FUS: variants seen among roughly 807,000 people sequenced by gnomAD.
FUS encodes FUS RNA binding protein.
A neutral mutation model predicts 82.7 loss-of-function variants in FUS; 5 were observed. The observed-to-expected ratio is 0.06, with a 90% CI of 0.03 to 0.13. FUS has a LOEUF of 0.13. FUS is among the 10% of genes least tolerant of loss of function. FUS has a pLI of 1.00. For synonymous variants in FUS, 281 were observed against 247.4 expected, an observed-to-expected ratio of 1.14 and a Z score of -1.27; for missense variants, 512 against 707.8, an observed-to-expected ratio of 0.72 and a Z score of 3.14.
intron 1 of FUS, among the ~76,000 whole-genome samples, chr16:31,180,499 C>T (rs1433349793): frequency 6.6e-6 from 1 of 152,134 alleles, no homozygotes; most frequent in Admixed American, 6.5e-5. Flanking sequence ...GGGTTTGAAG[C>T]GTCAGGTGAG....
Position 31,180,176 on chromosome 16 carries a change from A to C in FUS, c.-39A>C. On this transcript the variant is annotated 5_prime_UTR_variant, in exon 1 of 15. Transcript: ENST00000254108. The stretch of plus-strand genomic sequence containing the variant: ...AGGCGTCGGTACTCAGCGGTGTTGG[A>C]ACTTCGTTGCTTGCTTGCCTGTGCG... The C allele has an allele frequency of 6.2e-7, 1 of 1,607,192 alleles. No homozygotes were observed. Among genetic ancestry groups the C allele is most frequent in the Non-Finnish European group, 8.5e-7 (1 of 1,176,842 alleles).
chr16:31,187,642 C>G (rs1486353258), intron 7 of FUS: 6 of 232,386 alleles, frequency 2.6e-5, no homozygotes, highest in African/African-American at 1.3e-4. Flanking sequence ...ACTTAGGTGT[C>G]ATTGCGTGTG....
At chr16:31,181,758 T>C (rs932118418) in intron 1 of FUS, among the ~76,000 whole-genome samples, 6 of 152,062 alleles carry the variant, frequency 3.9e-5, no homozygotes, top group Non-Finnish European at 8.8e-5. Context: ...TCTCATAGAG[T>C]GGATGAAACG....
chr16:31,188,263 T>A, intron 7 of FUS, 62 bp from the exon 8 acceptor site: 2 of 1,565,758 alleles, frequency 1.3e-6, no homozygotes, highest in Admixed American at 3.5e-5. Context: ...TCCTGTTGAC[T>A]AACGGCTCAT....
chr16:31,183,284 A>C lies in FUS; in HGVS notation c.191-574A>C, dbSNP rs764963230. 21 of 171,094 alleles carry C rather than the reference A, an allele frequency of 1.2e-4. No homozygotes were observed. In the Middle Eastern group the frequency reaches 9.3e-3, roughly 76 times the overall value. 10.6% of individuals were successfully genotyped at this position (171,094 alleles called of 1,614,324 possible). On this transcript the variant is annotated intron_variant, in intron 3 of 14. Coordinates refer to ENST00000254108, the MANE Select transcript of FUS (RefSeq NM_004960.4). Reference sequence around the variant, plus strand: ...GAGGCCCCATCTCAAAAACATAAAAAAAAAAACAAAAAACAAAAATGTTTA... The same window carrying C: ...GAGGCCCCATCTCAAAAACATAAAACAAAAAACAAAAAACAAAAATGTTTA...
chr16:31,194,332 A>G, downstream of FUS: 1 of 518,506 alleles, frequency 1.9e-6, no homozygotes, highest in Admixed American at 2.3e-5. Flanking sequence ...ACTCTCACCC[A>G]GGCTGGATTG....
chr16:31,185,004 C>G lies in FUS; in HGVS notation c.589C>G (p.Gln197Glu), dbSNP rs2079243304. The G allele has an allele frequency of 1.9e-6, 3 of 1,613,066 alleles. No individual in the cohort carries two copies. Among genetic ancestry groups the G allele is most frequent in the African/African-American group, 2.7e-5 (2 of 74,712 alleles). Reference protein sequence around the residue: ...GGGSGGGYGNQDQSGGGGSGG... With the variant: ...GGGSGGGYGNEDQSGGGGSGG... ...TGGCAGTGGTGGCGGTTATGGCAATCAAGACCAGAGTGGTGGAGGTGGCAG... is the reference window on the plus strand; with the variant it reads ...TGGCAGTGGTGGCGGTTATGGCAATGAAGACCAGAGTGGTGGAGGTGGCAG... Residue 197 changes from glutamine (Q) to glutamate (E), a missense_variant, in exon 6 of 15, where the codon CAA becomes GAA. By Grantham distance (29) the Gln-to-Glu change is conservative (BLOSUM62 2). Coordinates refer to ENST00000254108, the MANE Select transcript of FUS (RefSeq NM_004960.4).
chr16:31,192,355 C>A (rs1049374053), downstream of FUS: 52 of 525,794 alleles, frequency 9.9e-5, no homozygotes, highest in African/African-American at 8.4e-4. Context: ...CAGCCTCTTA[C>A]CATGTGGTTG....
chr16:31,182,486 G>C, intron 2 of FUS, 27 bp from the exon 3 acceptor site: 5 of 1,614,148 alleles, frequency 3.1e-6, no homozygotes, highest in Non-Finnish European at 4.2e-6. Context: ...CATGTTTTCT[G>C]ATCACGCTGG....
chr16:31,188,244 T>C, intron 7 of FUS, 81 bp from the exon 8 acceptor site: 2 of 1,459,834 alleles, frequency 1.4e-6, no homozygotes, highest in Admixed American at 3.7e-5. Flanking sequence ...TTTTTCCTTG[T>C]CCGTTTTTTC....
chr16:31,184,861 C>G (rs2079239235), intron 5 of FUS, 78 bp from the exon 6 acceptor site: 9 of 1,478,204 alleles, frequency 6.1e-6, no homozygotes, highest in African/African-American at 1.4e-5. Context: ...TGGCACTTGT[C>G]AAACCTTTTC....
chr16:31,188,555 C>T (rs1442651019), intron 8 of FUS, 198 bp downstream of exon 8: 45 of 652,436 alleles, frequency 6.9e-5, no homozygotes, highest in South Asian at 4.6e-4. Flanking sequence ...GTGGGTTCCA[C>T]CCCCAGTGAT....
Position 31,188,368 on chromosome 16 carries a change from A to T in FUS, c.832+11A>T. 1.2e-6 allele frequency: 2 copies of T among 1,613,400 alleles called. No individual in the cohort carries two copies. Among genetic ancestry groups the T allele is most frequent in the African/African-American group, 2.7e-5 (2 of 74,830 alleles). ...CACGTCATGACTCCGGTGAGTTCAC[A>T]CGTGGTGGCATGAAAAGAGTGGCTA... On this transcript the variant is annotated intron_variant, in intron 8 of 14. Coordinates refer to ENST00000254108, the MANE Select transcript of FUS (RefSeq NM_004960.4).
intron 1 of FUS, among the ~76,000 whole-genome samples, chr16:31,180,541 C>G (rs2058040405): frequency 6.6e-6 from 1 of 152,210 alleles, no homozygotes; most frequent in Non-Finnish European, 1.5e-5. Context: ...GTGGCCTCGC[C>G]TCCCCCAACT....
chr16:31,190,501 C>T (rs2079338356), intron 12 of FUS, 103 bp downstream of exon 12: 3 of 1,550,098 alleles, frequency 1.9e-6, no homozygotes, highest in Non-Finnish European at 2.7e-6. Context: ...AATGTCAAGG[C>T]CACACTGTTG....
At chr16:31,184,544 C>T (rs1486089455) in intron 5 of FUS, 148 bp downstream of exon 5, 12 of 823,784 alleles carry the variant, frequency 1.5e-5, no homozygotes, top group Admixed American at 7.1e-5. Context: ...TCCGGGTTCG[C>T]GCCAGTCTCC....
intron 1 of FUS, 47 bp downstream of exon 1, chr16:31,180,274 C>G: frequency 1.3e-6 from 2 of 1,586,088 alleles, no homozygotes. Flanking sequence ...CGGCCGAGGC[C>G]TCCCAGCTGG....
In FUS at chr16:31,190,503, A is replaced by G. The variant is rs554256220; in HGVS notation, c.1292+105A>G. ...TTCCAAAGAAGTAAATGTCAAGGCC[A>G]CACTGTTGGGGTCAGATTTAGCCAA... On this transcript the variant is annotated intron_variant, in intron 12 of 14. Transcript: ENST00000254108. The G allele has an allele frequency of 1.1e-5, 17 of 1,548,362 alleles. No individual in the cohort carries two copies. The African/African-American group carries it at 2.2e-4, about 20-fold the overall frequency.
At chr16:31,180,365 G>A in intron 1 of FUS, 138 bp downstream of exon 1, 2 of 1,103,696 alleles carry the variant, frequency 1.8e-6, no homozygotes, top group African/African-American at 1.6e-5. Context: ...CCGCGGAGAA[G>A]AGTAACTGGA....
Sources: gnomAD v4.1 joint callset for allele counts (sites outside exome capture counted in the v4.1 genomes callset) on GRCh38, gnomAD v4.1.1 for gene constraint, MANE v1.5 for transcripts, NCBI Gene and HGNC (gene_info 2026-07-23, HGNC 2026-07-21) for gene names.